Variants in IGF2BP2 observed in about 807,000 individuals in gnomAD.
IGF2BP2 encodes insulin-like growth factor 2 mRNA-binding protein 2.
In IGF2BP2, 17 loss-of-function variants were observed where a neutral mutation model predicts 75.8. The observed-to-expected ratio is 0.22, with a 90% CI of 0.15 to 0.34. IGF2BP2 has a LOEUF of 0.34. IGF2BP2 is among the 10% of genes least tolerant of loss of function. The probability of loss-of-function intolerance (pLI) is 1.00; values close to 1 mark genes in which losing one functional copy is unlikely to be tolerated. For missense variants in IGF2BP2, 516 were observed against 772.4 expected (o/e 0.67, Z 3.93); for synonymous variants, 288 against 295.6 (o/e 0.97, Z 0.26).
intron 10 of IGF2BP2, among the ~76,000 whole-genome samples, chr3:185,667,167 G>C (rs531335562): frequency 7.9e-5 from 12 of 152,204 alleles, no homozygotes; most frequent in Admixed American, 4.6e-4. Context: ...ACGATAAAAT[G>C]GTGGATTACT....
At chr3:185,736,657 AT>A (rs1728888890) in intron 2 of IGF2BP2, among the ~76,000 whole-genome samples, 1 of 152,222 alleles carries the variant, frequency 6.6e-6, no homozygotes, top group Non-Finnish European at 1.5e-5. Context: ...ACAACCTGAA[AT>A]TCCCAGCAGG....
At chr3:185,728,787 A>AT (rs1435782585) in intron 2 of IGF2BP2, 1 of 152,286 alleles carries the variant, frequency 6.6e-6, no homozygotes, top group Non-Finnish European at 1.5e-5. Flanking sequence ...ACCCCGAGTC[A>AT]TGCTCTTAAC....
chr3:185,726,400 G>C (rs926824822), intron 2 of IGF2BP2, among the ~76,000 whole-genome samples: 2 of 152,150 alleles, frequency 1.3e-5, no homozygotes, highest in Middle Eastern at 3.2e-3. Context: ...CATTCAGATG[G>C]AAATTTCCTG....
At chr3:185,791,711 C>T (rs1234691776) in intron 2 of IGF2BP2, among the ~76,000 whole-genome samples, 1 of 152,222 alleles carries the variant, frequency 6.6e-6, no homozygotes, top group Non-Finnish European at 1.5e-5. Context: ...CAATGGAATA[C>T]TTTGATTTTG....
At chr3:185,798,787 C>CTTTTTTTT (rs1260800467) in intron 2 of IGF2BP2, among the ~76,000 whole-genome samples, 6 of 133,136 alleles carry the variant, frequency 4.5e-5, no homozygotes, top group African/African-American at 1.2e-4. Flanking sequence ...TTTCTTTTTT[C>CTTTTTTTT]TTTTTTTCTT....
At chr3:185,667,990 G>GT (rs1407672358) in intron 10 of IGF2BP2, among the ~76,000 whole-genome samples, 2 of 152,162 alleles carry the variant, frequency 1.3e-5, no homozygotes, top group African/African-American at 4.8e-5. Context: ...CTACAGTATA[G>GT]TGTAAACACA....
chr3:185,785,118 T>C (rs1294995358), intron 2 of IGF2BP2, among the ~76,000 whole-genome samples: 3 of 151,938 alleles, frequency 2.0e-5, no homozygotes, highest in Non-Finnish European at 2.9e-5. Context: ...CTGTCCAACA[T>C]GGAGACACCC....
rs548264756 is a variant in IGF2BP2, at chr3:185,784,161, G to A, written c.239+38992C>T. On this transcript the variant is annotated intron_variant, in intron 2 of 15. Coordinates refer to ENST00000382199, the MANE Select transcript of IGF2BP2 (RefSeq NM_006548.6). ...GAGGCAGAAGAATTGCTTGAACCCGGGAGACAGAGGTTATAGTGAGCTGAG... is the reference window on the plus strand; with the variant it reads ...GAGGCAGAAGAATTGCTTGAACCCGAGAGACAGAGGTTATAGTGAGCTGAG... 1.3e-4 allele frequency among the ~76,000 whole-genome samples: 20 copies of A among 152,254 alleles called. No homozygotes were observed. In the South Asian group the frequency reaches 3.5e-3, roughly 27 times the overall value.
intron 2 of IGF2BP2, among the ~76,000 whole-genome samples, chr3:185,784,263 T>C (rs113409703): frequency 1.1e-4 from 10 of 93,384 alleles, no homozygotes; most frequent in African/African-American, 3.7e-4. Flanking sequence ...GATAGATAGA[T>C]AGATAGACAG....
At chr3:185,713,499 T>C (rs377526495) in intron 2 of IGF2BP2, 96 of 519,848 alleles carry the variant, frequency 1.8e-4, no homozygotes, top group African/African-American at 1.7e-3. Context: ...GTAAGTAAGA[T>C]AGACTCCAAA....
At chr3:185,797,303 A>C (rs1241035495) in intron 2 of IGF2BP2, among the ~76,000 whole-genome samples, 1 of 152,170 alleles carries the variant, frequency 6.6e-6, no homozygotes, top group African/African-American at 2.4e-5. Flanking sequence ...GGAGTGTCCT[A>C]TCCAGAGCCA....
At chr3:185,666,043 TA>T (rs1560254010) in intron 10 of IGF2BP2, among the ~76,000 whole-genome samples, 3 of 150,920 alleles carry the variant, frequency 2.0e-5, no homozygotes, top group South Asian at 4.2e-4. Flanking sequence ...GATAGATAGA[TA>T]GATAGATAGA....
chr3:185,657,880 G>A (rs920774111), intron 11 of IGF2BP2, among the ~76,000 whole-genome samples: 48 of 152,292 alleles, frequency 3.2e-4, no homozygotes, highest in African/African-American at 1.1e-3. Context: ...CACGGTGACT[G>A]GCTCCAGGAA....
intron 2 of IGF2BP2, among the ~76,000 whole-genome samples, chr3:185,751,633 G>A (rs149990851): frequency 6.6e-6 from 1 of 151,430 alleles, no homozygotes; most frequent in East Asian, 2.0e-4. Context: ...CAACAAGAGG[G>A]AAACTCCATC....
intron 11 of IGF2BP2, among the ~76,000 whole-genome samples, chr3:185,657,646 T>C (rs1410552508): frequency 6.6e-6 from 1 of 152,230 alleles, no homozygotes; most frequent in Non-Finnish European, 1.5e-5. Flanking sequence ...CTTGAGCTTC[T>C]CAATTTGTTG....
At chr3:185,658,276 C>T (rs1715785206) in intron 11 of IGF2BP2, 65 bp downstream of exon 11, 1 of 1,454,738 alleles carries the variant, frequency 6.9e-7, no homozygotes, top group Non-Finnish European at 9.7e-7. Flanking sequence ...CACTGGCCAC[C>T]AAGGGCCAAG....
intron 2 of IGF2BP2, among the ~76,000 whole-genome samples, chr3:185,800,903 G>A (rs140137593): frequency 0.016 from 2,430 of 151,946 alleles, 63 homozygotes; most frequent in African/African-American, 0.053. Context: ...CAAAGGAAAC[G>A]ATCATCAGAG....
chr3:185,765,017 C>T (rs961478700), intron 2 of IGF2BP2, among the ~76,000 whole-genome samples: 1 of 152,184 alleles, frequency 6.6e-6, no homozygotes, highest in African/African-American at 2.4e-5. Flanking sequence ...CTTCCCTTTG[C>T]TAATTTTATC....
At chr3:185,665,389 AAGG>A (rs1717726945) in intron 10 of IGF2BP2, among the ~76,000 whole-genome samples, 3 of 56,742 alleles carry the variant, frequency 5.3e-5, no homozygotes, top group South Asian at 6.7e-4. Context: ...GGAGGAGGAG[AAGG>A]AGGAGGAGGA....
Sources: gnomAD v4.1 joint callset for allele counts (sites outside exome capture counted in the v4.1 genomes callset) on GRCh38, gnomAD v4.1.1 for gene constraint, MANE v1.5 for transcripts, NCBI Gene and HGNC (gene_info 2026-07-23, HGNC 2026-07-21) for gene names.